Variants in ANK2 observed in about 807,000 individuals in gnomAD.
ANK2 encodes the protein ankyrin-2.
In ANK2, 83 loss-of-function variants were observed where a neutral mutation model predicts 360.5. The observed-to-expected ratio is 0.23, with a 90% CI of 0.19 to 0.28. ANK2 has a LOEUF of 0.28. Among genes scored for constraint, ANK2 ranks in the 10% least tolerant of loss-of-function variants. ANK2 has a pLI of 1.00. For missense variants in ANK2, 4,201 were observed against 4,795.7 expected, an observed-to-expected ratio of 0.88 and a Z score of 3.66; for synonymous variants, 1,740 against 1,759.5, an observed-to-expected ratio of 0.99 and a Z score of 0.28.
At position 113,354,584 on chromosome 4, in the gene ANK2, C is replaced by T. The variant is rs2095626564; in HGVS notation, c.5966C>T (p.Ser1989Phe). The change falls in exon 38 of 46, where the codon TCT (serine) becomes TTT (phenylalanine). Residue 1989 changes from serine (S) to phenylalanine (F), a missense_variant. By Grantham distance (155) the Ser-to-Phe change is radical. Transcript: ENST00000357077. ...SKTERIEETM[S>F]VRELMKAFQS... Reference sequence around the variant, plus strand: ...ACAGAGAGGATTGAGGAAACCATGTCTGTTCGGGAGCTGATGAAGGCTTTC... The same window carrying T: ...ACAGAGAGGATTGAGGAAACCATGTTTGTTCGGGAGCTGATGAAGGCTTTC... 2 of 1,614,082 alleles carry T rather than the reference C, an allele frequency of 1.2e-6. No individual in the cohort carries two copies. The highest frequency in any genetic ancestry group is 2.7e-5 in the African/African-American group (2 of 75,010).
At chr4:113,249,582 T>C (rs910231245) in intron 9 of ANK2, among the ~76,000 whole-genome samples, 182 bp from the exon 10 acceptor site, 6 of 152,240 alleles carry the variant, frequency 3.9e-5, no homozygotes, top group African/African-American at 1.4e-4. Context: ...TCTGTGAAGA[T>C]GTACTTCTGA....
intron 2 of ANK2, among the ~76,000 whole-genome samples, chr4:112,917,472 G>A (rs2090221208): frequency 6.6e-6 from 1 of 152,168 alleles, no homozygotes; most frequent in Non-Finnish European, 1.5e-5. Context: ...TACATTGGAG[G>A]TAAAATTGGA....
chr4:112,863,771 C>G (rs1426338247), intron 1 of ANK2, among the ~76,000 whole-genome samples: 2 of 152,082 alleles, frequency 1.3e-5, no homozygotes, highest in East Asian at 3.9e-4. Flanking sequence ...ATCCTCCCGC[C>G]TCGGCCTCCC....
chr4:113,311,785 C>T (rs1172742658), intron 24 of ANK2, among the ~76,000 whole-genome samples: 1 of 152,118 alleles, frequency 6.6e-6, no homozygotes, highest in African/African-American at 2.4e-5. Flanking sequence ...CTCTTCTGCC[C>T]CCACTTTTTT....
intron 2 of ANK2, among the ~76,000 whole-genome samples, chr4:112,943,261 G>T (rs1309358761): frequency 6.6e-6 from 1 of 152,014 alleles, no homozygotes; most frequent in East Asian, 1.9e-4. Flanking sequence ...AACTTGAAAG[G>T]CAAGTGTATT....
chr4:113,381,674 A>G lies in ANK2; in HGVS notation c.*203A>G. 1 of 1,536,714 alleles carries G rather than the reference A, an allele frequency of 6.5e-7. No homozygotes were observed. The highest frequency in any genetic ancestry group is 2.4e-5 in the East Asian group (1 of 40,844). On this transcript the variant is annotated 3_prime_UTR_variant, in exon 46 of 46. Coordinates refer to ENST00000357077, the MANE Select transcript of ANK2 (RefSeq NM_001148.6). ...CCAGTTCTCACACCAGAAACCACAC[A>G]TTCACTCAATATGCAGCTTCCTGTT...
chr4:113,359,012 A>G lies in ANK2; in HGVS notation c.10394A>G (p.Glu3465Gly). The G allele has an allele frequency of 6.2e-7, 1 of 1,614,130 alleles. No individual in the cohort carries two copies. The highest frequency in any genetic ancestry group is 8.5e-7 in the Non-Finnish European group (1 of 1,179,976). ...ACGAGCCCCACAAAAGAAAGTAAGG[A>G]GCATTTCTTTGACCTTTACAGAAAT... ...GGTSPTKESK[E>G]HFFDLYRNSI... The change falls in exon 38 of 46, where the codon GAG becomes GGG. Residue 3465 changes from glutamate to glycine, a missense_variant. By Grantham distance (98) the Glu-to-Gly change is moderately conservative. Coordinates refer to ENST00000357077, the MANE Select transcript of ANK2 (RefSeq NM_001148.6).
rs886479367 is a variant in ANK2 at position 113,044,599 on chromosome 4, G to A, written c.22-129817G>A. 2.6e-5 allele frequency among the ~76,000 whole-genome samples: 4 copies of A among 152,132 alleles called. 1 individual carries two copies. The highest frequency in any genetic ancestry group is 2.0e-4 in the Admixed American group (3 of 15,266). On this transcript the variant is annotated intron_variant, in intron 2 of 30. Transcript: ENST00000503271. ...AGTGCAAAACCACGGAGTCTTCAGG[G>A]CTATGTTCCTTCTGAAGGCTCTGGA...
At chr4:113,340,822 C>G (rs534977694) in intron 32 of ANK2, among the ~76,000 whole-genome samples, 1 of 150,748 alleles carries the variant, frequency 6.6e-6, no homozygotes, top group Non-Finnish European at 1.5e-5. Flanking sequence ...GCACTCCAGC[C>G]TGGGCGACAG....
intron 1 of ANK2, among the ~76,000 whole-genome samples, chr4:113,145,078 AAAAATT>A (rs2096779443): frequency 6.6e-6 from 1 of 152,118 alleles, no homozygotes; most frequent in Admixed American, 6.5e-5. Context: ...TCAAAATACT[AAAAATT>A]AAAACGAATT....
chr4:113,375,154 T>C (rs2096880187), intron 45 of ANK2, among the ~76,000 whole-genome samples: 1 of 152,202 alleles, frequency 6.6e-6, no homozygotes. Context: ...TTAACAGCTT[T>C]TAAAAATCCA....
Position 113,381,876 on chromosome 4 carries a change from T to C in ANK2, c.*405T>C, listed in dbSNP as rs1362881980. On this transcript the variant is annotated 3_prime_UTR_variant, in exon 46 of 46. Transcript: ENST00000357077. ...GCTGTATCCAATACTTTGTTGTGTCTGTGCTAACCTGGGAACTGGCCACCT... is the reference window on the plus strand; with the variant it reads ...GCTGTATCCAATACTTTGTTGTGTCCGTGCTAACCTGGGAACTGGCCACCT... 3 of 379,250 alleles carry C rather than the reference T, an allele frequency of 7.9e-6. No individual in the cohort carries two copies. In the Admixed American group the frequency reaches 1.1e-4, roughly 14 times the overall value. 23.5% of individuals were successfully genotyped at this position (379,250 alleles called of 1,614,324 possible).
Position 113,365,024 on chromosome 4 carries a change from T to A in ANK2, c.10889-15T>A. On this transcript the variant is annotated splice_polypyrimidine_tract_variant and intron_variant, in intron 40 of 45. Coordinates refer to ENST00000357077, the MANE Select transcript of ANK2 (RefSeq NM_001148.6). The stretch of plus-strand genomic sequence containing the variant: ...CCTCTCAGACATAATAAATGCTGTT[T>A]CTCTAATGTGTCAGATACCAACCTC... 1 of 1,613,648 alleles carries A rather than the reference T, an allele frequency of 6.2e-7. No individual in the cohort carries two copies. The highest frequency in any genetic ancestry group is 8.5e-7 in the Non-Finnish European group (1 of 1,179,682).
intron 22 of ANK2, among the ~76,000 whole-genome samples, chr4:113,294,482 T>C (rs1371835035): frequency 6.6e-6 from 1 of 152,200 alleles, no homozygotes; most frequent in African/African-American, 2.4e-5. Flanking sequence ...TAGTAAATGC[T>C]CCAAACTAAA....
intron 28 of ANK2, among the ~76,000 whole-genome samples, 161 bp downstream of exon 28, chr4:113,332,231 G>A (rs979881075): frequency 2.6e-5 from 4 of 151,982 alleles, no homozygotes; most frequent in African/African-American, 9.7e-5. Context: ...TGACCCTTGT[G>A]GTATGTGACT....
At chr4:112,996,111 A>G (rs2048419652) in intron 2 of ANK2, among the ~76,000 whole-genome samples, 1 of 152,224 alleles carries the variant, frequency 6.6e-6, no homozygotes, top group Non-Finnish European at 1.5e-5. Flanking sequence ...AAAAAGATAA[A>G]CTATTAATAC....
At chr4:112,775,515 T>TCTCACACACACACACACACACA in the ANK2 span, among the ~76,000 whole-genome samples, 5 of 118,066 alleles carry the variant, frequency 4.2e-5, no homozygotes, top group Admixed American at 1.8e-4. Context: ...CTAAGCTCCA[T>TCTCACACACACACACACACACA]CACACACACA....
chr4:112,873,777 C>CAA, intron 1 of ANK2, among the ~76,000 whole-genome samples: 1 of 151,572 alleles, frequency 6.6e-6, no homozygotes, highest in Non-Finnish European at 1.5e-5. Flanking sequence ...ATCTCGACCT[C>CAA]GTGATCCGCC....
chr4:113,297,793 CTTTTT>C (rs150267993), intron 22 of ANK2, among the ~76,000 whole-genome samples: 1 of 150,526 alleles, frequency 6.6e-6, no homozygotes, highest in African/African-American at 2.4e-5. Flanking sequence ...CCTTTTCTTT[CTTTTT>C]TTTTGAGACA....
Sources: allele counts gnomAD v4.1 joint callset (sites outside exome capture counted in the v4.1 genomes callset), GRCh38; gene constraint gnomAD v4.1.1; transcripts MANE v1.5; gene names NCBI Gene and HGNC (gene_info 2026-07-23, HGNC 2026-07-21).